Variants in ME3 observed in about 807,000 individuals in gnomAD.
ME3 encodes NADP-dependent malic enzyme, mitochondrial.
In ME3, 48 loss-of-function variants were observed where a neutral mutation model predicts 68.9. That is an observed-to-expected ratio of 0.70 (90% CI 0.55 to 0.89). ME3 has a LOEUF of 0.89. ME3 is among the 40% of genes least tolerant of loss of function. The probability of loss-of-function intolerance (pLI) is 0.00; values close to 1 mark genes in which losing one functional copy is unlikely to be tolerated. For synonymous variants in ME3, 320 were observed against 318.8 expected (o/e 1.00, Z -0.04); for missense variants, 675 against 797.4 (o/e 0.85, Z 1.85).
intron 7 of ME3, among the ~76,000 whole-genome samples, chr11:86,479,710 C>G (rs1176835431): frequency 6.6e-6 from 1 of 152,184 alleles, no homozygotes; most frequent in African/African-American, 2.4e-5. Flanking sequence ...AACTGAGGGT[C>G]AACACCAAAT....
intron 2 of ME3, among the ~76,000 whole-genome samples, chr11:86,587,624 T>C (rs1958815710): frequency 6.6e-6 from 1 of 152,178 alleles, no homozygotes; most frequent in Non-Finnish European, 1.5e-5. Flanking sequence ...AATGTTTTTA[T>C]TTTTCCAGTC....
Position 86,633,085 on chromosome 11 carries a change from G to A in ME3, c.183+38677C>T, listed in dbSNP as rs570789272. ...GATATGCATGTCAGTAATGACCACT[G>A]AGTCACCATCCAGCATTGTGTGGCC... On this transcript the variant is annotated intron_variant, in intron 2 of 14. Coordinates refer to ENST00000543262, the Ensembl canonical transcript of ME3. 2.0e-5 allele frequency among the ~76,000 whole-genome samples: 3 copies of A among 152,282 alleles called. No homozygotes were observed. In the South Asian group the frequency reaches 6.2e-4, roughly 32 times the overall value.
intron 2 of ME3, among the ~76,000 whole-genome samples, chr11:86,612,407 T>C (rs1232043371): frequency 6.6e-6 from 1 of 152,252 alleles, no homozygotes; most frequent in Non-Finnish European, 1.5e-5. Context: ...GAATGATTTA[T>C]ATTCCTTTGG....
chr11:86,558,105 G>A (rs1594438311), intron 3 of ME3, among the ~76,000 whole-genome samples: 1 of 152,192 alleles, frequency 6.6e-6, no homozygotes, highest in Non-Finnish European at 1.5e-5. Context: ...CCTGAGCCTG[G>A]AATGTTTCCC....
intron 3 of ME3, among the ~76,000 whole-genome samples, chr11:86,557,405 T>C (rs1309895181): frequency 6.6e-6 from 1 of 152,172 alleles, no homozygotes; most frequent in Admixed American, 6.5e-5. Context: ...ACTGCTAATA[T>C]CACAACCTTT....
downstream of ME3, chr11:86,436,307 C>CT (rs1948897452): frequency 2.0e-5 from 3 of 151,954 alleles, no homozygotes; most frequent in South Asian, 6.2e-4. Flanking sequence ...ATTCACCTAT[C>CT]TTTTTGGATA....
chr11:86,450,343 G>C, exon 9 of ME3: 1 of 1,614,150 alleles, frequency 6.2e-7, no homozygotes, highest in South Asian at 1.1e-5. Flanking sequence ...TGGAAAGCTT[G>C]TTCTTGGTGA....
chr11:86,594,841 C>A (rs1959193348), intron 2 of ME3, among the ~76,000 whole-genome samples: 2 of 146,638 alleles, frequency 1.4e-5, no homozygotes, highest in African/African-American at 2.5e-5. Flanking sequence ...TGCAAGGTAG[C>A]CCTTGAAGGT....
chr11:86,535,097 A>G (rs1955559104), intron 4 of ME3, among the ~76,000 whole-genome samples: 1 of 152,156 alleles, frequency 6.6e-6, no homozygotes, highest in Admixed American at 6.5e-5. Flanking sequence ...TTACCTATTT[A>G]TCTTAATTAT....
intron 2 of ME3, among the ~76,000 whole-genome samples, chr11:86,635,877 A>G (rs1779853993): frequency 6.6e-6 from 1 of 152,232 alleles, no homozygotes; most frequent in African/African-American, 2.4e-5. Context: ...GACTTAGGGA[A>G]GTTGAGAGAT....
rs1593991530 is a variant in ME3, at chr11:86,447,354, G to A, written c.1238-147C>T. The A allele has an allele frequency of 3.6e-6, 4 of 1,124,016 alleles. No homozygotes were observed. In the East Asian group the frequency reaches 7.5e-5, roughly 21 times the overall value. The allele number at this position is 1,124,016 out of a possible 1,614,324, so 69.6% of individuals were successfully genotyped here. On this transcript the variant is annotated intron_variant, in intron 11 of 14. Transcript: ENST00000543262. ...GCCACAAGGACTGAAGGAGCAGAAG[G>A]GAAAATGATCTTCCTGCTTGAGCTG...
Position 86,442,938 on chromosome 11 carries a change from C to A in ME3, c.1555-19G>T, listed in dbSNP as rs116552761. On this transcript the variant is annotated intron_variant, in intron 13 of 14. Coordinates refer to ENST00000543262, the Ensembl canonical transcript of ME3. ...CAATTTGCTGGGGAGAAGGAGAGAA[C>A]CGAGAGGAATAAGCTGAGTCTCTGC... 1,632 of 1,587,238 alleles carry A rather than the reference C, an allele frequency of 1.0e-3. 18 individuals are homozygous for A. The African/African-American group carries it at 0.02, about 19-fold the overall frequency.
intron 2 of ME3, among the ~76,000 whole-genome samples, chr11:86,608,797 A>G (rs1942342817): frequency 6.6e-6 from 1 of 152,246 alleles, no homozygotes; most frequent in African/African-American, 2.4e-5. Flanking sequence ...AGTAACTGGT[A>G]TATCAGATAA....
At chr11:86,524,484 T>C (rs1350262387) in intron 4 of ME3, among the ~76,000 whole-genome samples, 3 of 152,190 alleles carry the variant, frequency 2.0e-5, no homozygotes, top group Non-Finnish European at 4.4e-5. Flanking sequence ...CCTGTGAAGA[T>C]ACACCAAGAT....
chr11:86,467,659 TG>T (rs1430378005), intron 7 of ME3, among the ~76,000 whole-genome samples: 6 of 105,730 alleles, frequency 5.7e-5, no homozygotes, highest in African/African-American at 2.1e-4. Flanking sequence ...TGTCTCTCTC[TG>T]TTTCTCTCTC....
intron 8 of ME3, among the ~76,000 whole-genome samples, chr11:86,455,076 T>C (rs1344529082): frequency 6.6e-6 from 1 of 152,220 alleles, no homozygotes; most frequent in Non-Finnish European, 1.5e-5. Context: ...CACACAGCTG[T>C]GGCCTAGAGG....
Position 86,465,211 on chromosome 11 carries a change from G to A in ME3, c.810-11C>T. 6.3e-7 allele frequency: 1 copy of A among 1,593,228 alleles called. No individual in the cohort carries two copies. Among genetic ancestry groups the A allele is most frequent in the Non-Finnish European group, 8.6e-7 (1 of 1,161,184 alleles). Reference sequence around the variant, plus strand: ...CAATTTATTCCAAACCTGTGTGGAGGGAGAGGAAGAAACCCATGATTGCCT... The same window carrying A: ...CAATTTATTCCAAACCTGTGTGGAGAGAGAGGAAGAAACCCATGATTGCCT... On this transcript the variant is annotated splice_polypyrimidine_tract_variant and intron_variant, in intron 7 of 14. Coordinates refer to ENST00000543262, the Ensembl canonical transcript of ME3.
At position 86,526,310 on chromosome 11, in the gene ME3, G is replaced by A. The variant is rs553960007; in HGVS notation, c.468-17443C>T. Among the ~76,000 whole-genome samples the A allele has an allele frequency of 3.1e-4, 47 of 152,322 alleles. 1 individual carries two copies. The South Asian group carries it at 8.1e-3, about 26-fold the overall frequency. On this transcript the variant is annotated intron_variant, in intron 4 of 14. Transcript: ENST00000543262. ...TGAGATCAAACTGCAAGGTGGCAGC[G>A]AGGCTGGGGGAGGAATGCCCACTCT...
At position 86,559,585 on chromosome 11, in the gene ME3, C is replaced by G. The variant is rs2276393; in HGVS notation, c.317+105G>C. 5.0e-5 allele frequency: 70 copies of G among 1,392,778 alleles called. No homozygotes were observed. The East Asian group carries it at 1.3e-3, about 26-fold the overall frequency. The allele number at this position is 1,392,778 out of a possible 1,614,324, so 86.3% of individuals were successfully genotyped here. A position where few individuals can be genotyped will look rare whatever the true frequency, so the allele number is the denominator to read the frequency against. ...TGAGTCTGGGATCTCTTTGGGCTCTCAGCCTTTTTTAGCTGGAGAGTTTCC... is the reference window on the plus strand; with the variant it reads ...TGAGTCTGGGATCTCTTTGGGCTCTGAGCCTTTTTTAGCTGGAGAGTTTCC... On this transcript the variant is annotated intron_variant, in intron 3 of 14. Transcript: ENST00000543262.
Sources: allele counts gnomAD v4.1 joint callset (sites outside exome capture counted in the v4.1 genomes callset), GRCh38; gene constraint gnomAD v4.1.1; transcripts MANE v1.5; gene names NCBI Gene and HGNC (gene_info 2026-07-23, HGNC 2026-07-21).